Variants in LRBA observed in about 807,000 individuals in gnomAD.
The protein encoded by LRBA is lipopolysaccharide-responsive and beige-like anchor protein.
LRBA carries 176 observed loss-of-function variants against 330.0 expected under a neutral mutation model. The ratio of observed to expected loss-of-function variants is 0.53; its 90% CI spans 0.47 to 0.60. The LOEUF (loss-of-function observed/expected upper bound fraction) is 0.60, where lower values mean the gene tolerates loss of function less well. Ranked by LOEUF, LRBA falls within the 20% of genes least tolerant of loss-of-function variation. LRBA has a pLI of 0.00. For missense variants in LRBA, 3,259 were observed against 3,444.8 expected (o/e 0.95, Z 1.35); for synonymous variants, 1,230 against 1,193.0 (o/e 1.03, Z -0.64).
intron 34 of LRBA, among the ~76,000 whole-genome samples, chr4:150,780,433 C>T (rs2126586827): frequency 6.6e-6 from 1 of 151,970 alleles, no homozygotes; most frequent in Middle Eastern, 3.4e-3. Flanking sequence ...GACATATACA[C>T]TTTATGTTAC....
At chr4:150,315,804 T>C (rs2126901084) in intron 50 of LRBA, among the ~76,000 whole-genome samples, 181 bp from the exon 51 acceptor site, 1 of 152,258 alleles carries the variant, frequency 6.6e-6, no homozygotes, top group African/African-American at 2.4e-5. Context: ...AACATTTATT[T>C]TAGATTAGTG....
chr4:150,276,929 T>C (rs1457848504), intron 56 of LRBA, among the ~76,000 whole-genome samples: 1 of 152,198 alleles, frequency 6.6e-6, no homozygotes, highest in Non-Finnish European at 1.5e-5. Flanking sequence ...ACTGGGTATA[T>C]ACCCAAAGGA....
intron 37 of LRBA, among the ~76,000 whole-genome samples, chr4:150,606,354 C>A (rs1050239831): frequency 5.9e-5 from 9 of 151,992 alleles, no homozygotes; most frequent in Admixed American, 5.9e-4. Context: ...CCTTAAAGCT[C>A]ACCTCAGCCT....
At chr4:150,747,748 C>G (rs564234604) in intron 35 of LRBA, among the ~76,000 whole-genome samples, 1 of 152,178 alleles carries the variant, frequency 6.6e-6, no homozygotes, top group African/African-American at 2.4e-5. Context: ...CTACATCCTC[C>G]GCTGCACTAC....
At chr4:150,579,945 G>GC in intron 40 of LRBA, 2 of 326,428 alleles carry the variant, frequency 6.1e-6, no homozygotes, top group South Asian at 4.7e-5. Flanking sequence ...CCCAGTAACT[G>GC]CCCCCGGAGA....
At chr4:150,421,083 T>C (rs1297594200) in intron 46 of LRBA, among the ~76,000 whole-genome samples, 8 of 58,836 alleles carry the variant, frequency 1.4e-4, no homozygotes, top group Non-Finnish European at 2.1e-4. Context: ...ATAATATACA[T>C]TATAATATAT....
intron 9 of LRBA, among the ~76,000 whole-genome samples, chr4:150,913,607 A>G (rs1278763559): frequency 6.6e-6 from 1 of 152,216 alleles, no homozygotes; most frequent in East Asian, 1.9e-4. Flanking sequence ...TGGTTGTTCT[A>G]TTCATTATTG....
chr4:150,597,387 T>A (rs1012792842), intron 38 of LRBA, among the ~76,000 whole-genome samples: 4 of 151,940 alleles, frequency 2.6e-5, no homozygotes, highest in Non-Finnish European at 4.4e-5. Flanking sequence ...AAGAATATTT[T>A]AATAAATTCT....
intron 2 of LRBA, among the ~76,000 whole-genome samples, chr4:150,971,271 G>A (rs1176514237): frequency 6.6e-6 from 1 of 152,060 alleles, no homozygotes; most frequent in Non-Finnish European, 1.5e-5. Context: ...GTCCTGGCAG[G>A]GACATGAATC....
At chr4:151,010,092 G>T (rs1247515564) in intron 2 of LRBA, among the ~76,000 whole-genome samples, 1 of 152,100 alleles carries the variant, frequency 6.6e-6, no homozygotes, top group Non-Finnish European at 1.5e-5. Flanking sequence ...TTATATAAGA[G>T]ACTGGAGCTT....
At chr4:150,671,837 G>C (rs948873872) in intron 37 of LRBA, among the ~76,000 whole-genome samples, 1 of 152,156 alleles carries the variant, frequency 6.6e-6, no homozygotes, top group Non-Finnish European at 1.5e-5. Context: ...AATCAACACA[G>C]GGAAAGCAAG....
chr4:150,998,368 AAG>A (rs1443892744), intron 2 of LRBA, among the ~76,000 whole-genome samples: 1 of 151,356 alleles, frequency 6.6e-6, no homozygotes, highest in Non-Finnish European at 1.5e-5. Context: ...AAAAAAAAAA[AAG>A]AGAGATAGGG....
At chr4:150,755,564 T>C (rs1283871516) in intron 35 of LRBA, among the ~76,000 whole-genome samples, 1 of 152,172 alleles carries the variant, frequency 6.6e-6, no homozygotes, top group Admixed American at 6.6e-5. Context: ...GATGAGAATT[T>C]AAATCTTAAA....
chr4:150,384,628 T>C, intron 47 of LRBA, among the ~76,000 whole-genome samples: 1 of 152,188 alleles, frequency 6.6e-6, no homozygotes, highest in Non-Finnish European at 1.5e-5. Flanking sequence ...GAGAAGGGCA[T>C]TTTGTATCTT....
chr4:150,402,248 A>G (rs1745585682), intron 47 of LRBA, among the ~76,000 whole-genome samples: 1 of 151,422 alleles, frequency 6.6e-6, no homozygotes, highest in Non-Finnish European at 1.5e-5. Context: ...AGGCACTTTC[A>G]GGGTGGTACA....
intron 47 of LRBA, among the ~76,000 whole-genome samples, chr4:150,360,298 T>G (rs1024375194): frequency 1.3e-5 from 2 of 150,468 alleles, no homozygotes; most frequent in African/African-American, 4.9e-5. Flanking sequence ...CAGCCTATAG[T>G]AGCCACATTT....
intron 34 of LRBA, among the ~76,000 whole-genome samples, chr4:150,769,921 G>A (rs1207309729): frequency 1.3e-5 from 2 of 152,160 alleles, no homozygotes; most frequent in African/African-American, 4.8e-5. Flanking sequence ...CTAAACCTGT[G>A]ACAGTCAATT....
chr4:150,904,233 A>G (rs1731066276), intron 13 of LRBA, among the ~76,000 whole-genome samples: 2 of 152,162 alleles, frequency 1.3e-5, no homozygotes, highest in African/African-American at 4.8e-5. Flanking sequence ...CCCTAAACCT[A>G]ATTTTGTATG....
Position 150,392,607 on chromosome 4 carries a change from TC to T in LRBA, c.7194+22830del, listed in dbSNP as rs747966775. Among the ~76,000 whole-genome samples the T allele has an allele frequency of 1.3e-3, 192 of 152,298 alleles. 1 individual carries two copies. The highest frequency in any genetic ancestry group is 1.8e-3 in the Non-Finnish European group (122 of 68,022). On this transcript the variant is annotated intron_variant, in intron 47 of 56. Coordinates refer to ENST00000651943, the MANE Select transcript of LRBA (RefSeq NM_001364905.1). ...CTCTTTGTGAGCGAATGGAGTTCAC[TC>T]ATGATTTGGCTCTCTGCTTGTCTAC...
Sources: allele counts gnomAD v4.1 joint callset (sites outside exome capture counted in the v4.1 genomes callset), GRCh38; gene constraint gnomAD v4.1.1; transcripts MANE v1.5; gene names NCBI Gene and HGNC (gene_info 2026-07-23, HGNC 2026-07-21).